Variants in OTOG observed in about 807,000 individuals in gnomAD.
OTOG encodes otogelin.
In OTOG, 296 loss-of-function variants were observed where a neutral mutation model predicts 313.8. The observed-to-expected ratio is 0.94, with a 90% CI of 0.86 to 1.04. The LOEUF is 1.04. Among genes scored for constraint, OTOG ranks in the 50% least tolerant of loss-of-function variants. The probability of loss-of-function intolerance (pLI) is 0.00; values close to 1 mark genes in which losing one functional copy is unlikely to be tolerated. For synonymous variants in OTOG, 1,533 were observed against 1,554.9 expected (o/e 0.99, Z 0.33); for missense variants, 3,948 against 3,840.1 (o/e 1.03, Z -0.74).
rs963774807 is a variant in OTOG at position 17,575,443 on chromosome 11, G to A, written c.2486+531G>A. On this transcript the variant is annotated intron_variant, in intron 20 of 55. Coordinates refer to ENST00000399397, the MANE Select transcript of OTOG (RefSeq NM_001292063.2). ...GGGCCTGGAAGTAAAGCCTTTCTGC[G>A]GAGGTGAGGTCTGAGCAGAGACCTG... Among the ~76,000 whole-genome samples, 4 of 152,278 alleles carry A rather than the reference G, an allele frequency of 2.6e-5. 1 individual carries two copies. Among genetic ancestry groups the A allele is most frequent in the African/African-American group, 2.4e-5 (1 of 41,558 alleles).
At position 17,602,220 on chromosome 11, in the gene OTOG, G is replaced by A; in HGVS notation, c.3720G>A (p.Lys1240=). 6.5e-7 allele frequency: 1 copy of A among 1,550,366 alleles called. No individual in the cohort carries two copies. Among genetic ancestry groups the A allele is most frequent in the Non-Finnish European group, 8.7e-7 (1 of 1,146,934 alleles). The change falls in exon 32 of 56, where the codon AAG becomes AAA. Residue 1240 remains lysine, a synonymous_variant. Coordinates refer to ENST00000399397, the MANE Select transcript of OTOG (RefSeq NM_001292063.2). ...GCCTCTTCTCTCCAGTGCTAGGTAA[G>A]GGCCCCTATCAGCTATCCAGCTTGG... ...DCDFFNKVLG[K]GPYQLSSLAA...
intron 15 of OTOG, among the ~76,000 whole-genome samples, chr11:17,567,977 G>A (rs1052578895): frequency 6.6e-6 from 1 of 151,822 alleles, no homozygotes; most frequent in African/African-American, 2.4e-5. Context: ...GCGAGATCTC[G>A]GCTCACTGCA....
rs1341179317 is a variant in OTOG at position 17,606,112 on chromosome 11, G to A, written c.4133G>A (p.Arg1378Gln). The change falls in exon 33 of 56, where the codon CGG becomes CAG. Residue 1378 changes from arginine to glutamine, a missense_variant. Physicochemically the swap from Arg to Gln is conservative, Grantham distance 43. Coordinates refer to ENST00000399397, the MANE Select transcript of OTOG (RefSeq NM_001292063.2). Reference protein sequence around the residue: ...RLYEHTEVFRRGTLFRLLDAK... With the variant: ...RLYEHTEVFRQGTLFRLLDAK... ...TACGAACACACAGAGGTGTTCCGCC[G>A]GGGCACACTCTTCCGCCTTCTGGGT... 7 of 1,542,560 alleles carry A rather than the reference G, an allele frequency of 4.5e-6. No homozygotes were observed. The highest frequency in any genetic ancestry group is 2.5e-5 in the East Asian group (1 of 40,706).
In OTOG at chr11:17,547,684, T is replaced by A. The variant is rs967108646; in HGVS notation, c.94+218T>A. The A allele has an allele frequency of 2.2e-5, 19 of 851,018 alleles. 1 individual carries two copies. In the Admixed American group the frequency reaches 3.9e-4, roughly 18 times the overall value. 52.7% of individuals were successfully genotyped at this position (851,018 alleles called of 1,614,324 possible). ...GGAAAGAGTCCAAAGTTAGGCTGGG[T>A]GGAAGAGACCCGAGGTGGGGAACTA... On this transcript the variant is annotated intron_variant, in intron 1 of 55. Coordinates refer to ENST00000399397, the MANE Select transcript of OTOG (RefSeq NM_001292063.2).
At position 17,641,952 on chromosome 11, in the gene OTOG, G is replaced by T; in HGVS notation, c.8295+1G>T. The stretch of plus-strand genomic sequence containing the variant: ...CAATGGCACCACCTCCCTGTTCTTG[G>T]TAAGCAGCCCCCTCGCTGCCCACTT... On this transcript the variant is annotated splice_donor_variant, in intron 52 of 55. Transcript: ENST00000399397. LOFTEE classifies it high-confidence loss of function. 1 of 1,549,866 alleles carries T rather than the reference G, an allele frequency of 6.5e-7. No homozygotes were observed. Among genetic ancestry groups the T allele is most frequent in the Non-Finnish European group, 8.7e-7 (1 of 1,146,580 alleles).
chr11:17,621,362 G>A (rs1490018446), intron 39 of OTOG, among the ~76,000 whole-genome samples: 3 of 152,020 alleles, frequency 2.0e-5, no homozygotes, highest in African/African-American at 7.3e-5. Flanking sequence ...CCAATTCCCT[G>A]CTACTAAAGC....
At chr11:17,584,239 C>T (rs1852740132) in intron 23 of OTOG, among the ~76,000 whole-genome samples, 1 of 152,102 alleles carries the variant, frequency 6.6e-6, no homozygotes, top group Non-Finnish European at 1.5e-5. Flanking sequence ...GTGATCATGT[C>T]ATCTGTGAAT....
intron 37 of OTOG, 134 bp from the exon 38 acceptor site, chr11:17,612,486 G>A: frequency 7.2e-7 from 1 of 1,386,134 alleles, no homozygotes; most frequent in Non-Finnish European, 9.6e-7. Flanking sequence ...TGTGATGCGT[G>A]GTCTGAGCCA....
intron 22 of OTOG, among the ~76,000 whole-genome samples, chr11:17,577,359 A>G (rs1203860598): frequency 6.7e-6 from 1 of 148,966 alleles, no homozygotes; most frequent in Non-Finnish European, 1.5e-5. Context: ...AGAGATAGGG[A>G]TGGGGTGGAA....
At chr11:17,587,423 T>A (rs1031938688) in intron 24 of OTOG, among the ~76,000 whole-genome samples, 3 of 152,148 alleles carry the variant, frequency 2.0e-5, no homozygotes, top group Admixed American at 2.0e-4. Flanking sequence ...CTGTTCCAAT[T>A]TGGAGAACCA....
chr11:17,631,897 G>A lies in OTOG; in HGVS notation c.6908G>A (p.Arg2303His), dbSNP rs1373360779. The change falls in exon 41 of 56, where the codon CGC (arginine) becomes CAC (histidine). Residue 2303 changes from arginine to histidine, a missense_variant. Coordinates refer to ENST00000399397, the MANE Select transcript of OTOG (RefSeq NM_001292063.2). Reference sequence around the variant, plus strand: ...CCCTGCCTTCGCATGGTGTCCAACCGCACCTTCAGTGCCTGCCACCGCTTT... The same window carrying A: ...CCCTGCCTTCGCATGGTGTCCAACCACACCTTCAGTGCCTGCCACCGCTTT... ...CSPCLRMVSN[R>H]TFSACHRFVP... 18 of 1,549,964 alleles carry A rather than the reference G, an allele frequency of 1.2e-5. No individual in the cohort carries two copies. Among genetic ancestry groups the A allele is most frequent in the African/African-American group, 4.1e-5 (3 of 73,060 alleles).
chr11:17,552,609 C>CTGTACTG (rs1354229919), intron 4 of OTOG, among the ~76,000 whole-genome samples: 10 of 151,854 alleles, frequency 6.6e-5, no homozygotes, highest in African/African-American at 2.4e-4. Context: ...TGTCCCCCAC[C>CTGTACTG]TGTCCTCTCA....
rs917593759 is a variant in OTOG at position 17,610,545 on chromosome 11, C to G, written c.5245C>G (p.Pro1749Ala). The change falls in exon 36 of 56, where the codon CCA (proline) becomes GCA (alanine). Residue 1749 changes from proline to alanine, a missense_variant. Physicochemically the swap from Pro to Ala is conservative, Grantham distance 27. Coordinates refer to ENST00000399397, the MANE Select transcript of OTOG (RefSeq NM_001292063.2). ...ACAGCCACACCCACTCCCCTCTGCACCACCCCGCCCAGCCCAGCATACCAC... is the reference window on the plus strand; with the variant it reads ...ACAGCCACACCCACTCCCCTCTGCAGCACCCCGCCCAGCCCAGCATACCAC... ...SPQPHPLPSAPPRPAQHTTMA... is the reference protein window; with the variant it reads ...SPQPHPLPSAAPRPAQHTTMA... 1.5e-5 allele frequency: 23 copies of G among 1,550,590 alleles called. No individual in the cohort carries two copies. Among genetic ancestry groups the G allele is most frequent in the Non-Finnish European group, 2.0e-5 (23 of 1,146,950 alleles).
chr11:17,613,195 T>TTTTCCTTCTTTCTTTCTTTC (rs1853616207), intron 38 of OTOG, among the ~76,000 whole-genome samples: 1 of 65,328 alleles, frequency 1.5e-5, no homozygotes. Context: ...TCTTTCTTTC[T>TTTTCCTTCTTTCTTTCTTTC]TTTCTTTCTT....
rs183959011 is a variant in OTOG, at chr11:17,567,313, C to T, written c.1645-1843C>T. ...TTTTCTGTACTCCTGGGCAGGAACT[C>T]AGAAGGATGGTTGTGGCTGGTTGCA... is the stretch of plus-strand genomic sequence containing the variant. On this transcript the variant is annotated intron_variant, in intron 15 of 55. Coordinates refer to ENST00000399397, the MANE Select transcript of OTOG (RefSeq NM_001292063.2). 2.4e-4 allele frequency among the ~76,000 whole-genome samples: 36 copies of T among 152,306 alleles called. No homozygotes were observed. The East Asian group carries it at 4.1e-3, about 17-fold the overall frequency.
chr11:17,578,384 C>T lies in OTOG; in HGVS notation c.2617C>T (p.Pro873Ser), dbSNP rs866401885. 4.6e-6 allele frequency: 7 copies of T among 1,517,448 alleles called. No homozygotes were observed. In the African/African-American group the frequency reaches 9.7e-5, roughly 21 times the overall value. 94.0% of individuals were successfully genotyped at this position (1,517,448 alleles called of 1,614,324 possible). A position where few individuals can be genotyped will look rare whatever the true frequency, so the allele number is the denominator to read the frequency against. Residue 873 changes from proline to serine, a missense_variant, in exon 23 of 56, where the codon CCA becomes TCA. Transcript: ENST00000399397. ...TTCTTCTCTTCCAGCTGCTGCCTGC[C>T]CAGCAGGCCAGGTCTTCGTGAACTG... ...CDSRAPAAAC[P>S]AGQVFVNCSD...
chr11:17,571,939 C>T (rs1852413300), intron 17 of OTOG, 141 bp from the exon 18 acceptor site: 1 of 1,142,104 alleles, frequency 8.8e-7, no homozygotes, highest in African/African-American at 1.5e-5. Context: ...ACACGTGCTC[C>T]TCTGAGTGTG....
chr11:17,562,629 G>A (rs912015259), intron 15 of OTOG, among the ~76,000 whole-genome samples: 1 of 152,142 alleles, frequency 6.6e-6, no homozygotes, highest in African/African-American at 2.4e-5. Flanking sequence ...AGAAAGACCA[G>A]TGTGAATGGC....
chr11:17,641,428 A>G (rs999323552), intron 51 of OTOG, among the ~76,000 whole-genome samples: 3 of 152,162 alleles, frequency 2.0e-5, no homozygotes, highest in Non-Finnish European at 2.9e-5. Flanking sequence ...CTTCATGCCT[A>G]GTACTTAGGA....
Sources: gnomAD v4.1 joint callset for allele counts (sites outside exome capture counted in the v4.1 genomes callset) on GRCh38, gnomAD v4.1.1 for gene constraint, MANE v1.5 for transcripts, NCBI Gene and HGNC (gene_info 2026-07-23, HGNC 2026-07-21) for gene names.